The following CUBN variants were observed in gnomAD, a reference collection of about 807,000 sequenced individuals.
CUBN encodes the protein cubilin, also known as 460 kDa receptor.
CUBN carries 282 observed loss-of-function variants against 405.3 expected under a neutral mutation model. The observed-to-expected ratio is 0.70, with a 90% CI of 0.63 to 0.77. The LOEUF is 0.77. Ranked by LOEUF, CUBN falls within the 30% of genes least tolerant of loss-of-function variation. CUBN has a pLI of 0.00. For missense variants in CUBN, 4,514 were observed against 4,475.2 expected (o/e 1.01, Z -0.25); for synonymous variants, 1,684 against 1,617.0 (o/e 1.04, Z -0.99).
intron 25 of CUBN, among the ~76,000 whole-genome samples, chr10:17,044,311 AATAT>A (rs1835077002): frequency 6.8e-6 from 1 of 147,888 alleles, no homozygotes; most frequent in African/African-American, 2.5e-5. Flanking sequence ...ATATATAATA[AATAT>A]ATATTTTTTG....
chr10:16,911,552 G>C (rs1316044300), intron 48 of CUBN, among the ~76,000 whole-genome samples: 4 of 152,208 alleles, frequency 2.6e-5, no homozygotes, highest in African/African-American at 9.7e-5. Flanking sequence ...ATAATTAAGG[G>C]ATAGGGAGAT....
chr10:17,007,088 C>T (rs760339676), intron 28 of CUBN, among the ~76,000 whole-genome samples: 12 of 152,290 alleles, frequency 7.9e-5, no homozygotes, highest in African/African-American at 1.2e-4. Context: ...CTGGGAGCAA[C>T]GACCAGAAGA....
chr10:16,985,796 C>G (rs1355337482), intron 29 of CUBN, among the ~76,000 whole-genome samples: 1 of 152,246 alleles, frequency 6.6e-6, no homozygotes, highest in African/African-American at 2.4e-5. Context: ...TCTTGTTTCA[C>G]TTCTAGATCT....
At chr10:16,956,731 G>C (rs1223689500) in intron 31 of CUBN, among the ~76,000 whole-genome samples, 1 of 152,056 alleles carries the variant, frequency 6.6e-6, no homozygotes, top group Non-Finnish European at 1.5e-5. Context: ...ACAGAGTATG[G>C]AGAATACACC....
At chr10:17,110,804 T>C in intron 9 of CUBN, 115 bp downstream of exon 9, 2 of 1,488,566 alleles carry the variant, frequency 1.3e-6, no homozygotes, top group Non-Finnish European at 9.3e-7. Flanking sequence ...ATTACAGGCA[T>C]GAGCAACTGC....
chr10:16,888,658 A>G (rs752255210), intron 55 of CUBN, 92 bp from the exon 56 acceptor site: 158 of 1,072,922 alleles, frequency 1.5e-4, no homozygotes, highest in Non-Finnish European at 2.0e-4. Flanking sequence ...TAAATTATCT[A>G]TAGACATAGT....
rs75711390 is a variant in CUBN at position 17,032,944 on chromosome 10, T to C, written c.4017+8089A>G. On this transcript the variant is annotated intron_variant, in intron 27 of 66. Transcript: ENST00000377833. ...TCTGTCAATTGTACCTCCTAAGTGCTCTGAAATCATTCGATCTCATGCTTC... is the reference window on the plus strand; with the variant it reads ...TCTGTCAATTGTACCTCCTAAGTGCCCTGAAATCATTCGATCTCATGCTTC... 6.7e-3 allele frequency among the ~76,000 whole-genome samples: 1,026 copies of C among 152,252 alleles called. 8 individuals carry two copies. The highest frequency in any genetic ancestry group is 0.024 in the Middle Eastern group (7 of 292).
chr10:17,017,864 G>C (rs1401966255), intron 28 of CUBN, among the ~76,000 whole-genome samples: 1 of 152,176 alleles, frequency 6.6e-6, no homozygotes, highest in Non-Finnish European at 1.5e-5. Flanking sequence ...GAGGAAATTT[G>C]TCTGACAGGC....
Position 17,123,447 on chromosome 10 carries a change from A to C in CUBN, c.489+141T>G, listed in dbSNP as rs547778773. ...TACTCACCACTGTTTGGGTTTTAGC[A>C]TACCTGGTATATTTCAATTTGATTT... On this transcript the variant is annotated intron_variant, in intron 5 of 66. Coordinates refer to ENST00000377833, the MANE Select transcript of CUBN (RefSeq NM_001081.4). 8.1e-6 allele frequency: 6 copies of C among 739,126 alleles called. No individual in the cohort carries two copies. The African/African-American group carries it at 8.7e-5, about 11-fold the overall frequency. 45.8% of individuals were successfully genotyped at this position (739,126 alleles called of 1,614,324 possible). A position where few individuals can be genotyped will look rare whatever the true frequency, so the allele number is the denominator to read the frequency against.
rs183598292 is a variant in CUBN at position 17,068,504 on chromosome 10, T to G, written c.2791+101A>C. ...CTTTGTCTTTGAGTGTACTTTAAAA[T>G]TTTTCACAGTACAGATGATTTTCAT... On this transcript the variant is annotated intron_variant, in intron 20 of 66. Transcript: ENST00000377833. 1.7e-4 allele frequency: 195 copies of G among 1,131,038 alleles called. No homozygotes were observed. The East Asian group carries it at 3.7e-3, about 22-fold the overall frequency. 70.1% of individuals were successfully genotyped at this position (1,131,038 alleles called of 1,614,324 possible).
In CUBN at chr10:16,982,701, C is replaced by G. The variant is rs747477838; in HGVS notation, c.4526-48G>C. On this transcript the variant is annotated intron_variant, in intron 30 of 66. Transcript: ENST00000377833. ...TTTCATGAGAGGAATCATGGATGCT[C>G]GAAAATAATCCATTACCTGGTTGTA... The G allele has an allele frequency of 4.0e-6, 6 of 1,511,522 alleles. No individual in the cohort carries two copies. In the South Asian group the frequency reaches 6.9e-5, roughly 17 times the overall value. 93.6% of individuals were successfully genotyped at this position (1,511,522 alleles called of 1,614,324 possible). A position where few individuals can be genotyped will look rare whatever the true frequency, so the allele number is the denominator to read the frequency against.
Position 16,828,908 on chromosome 10 carries a change from TAGA to T in CUBN, c.10658_10660del (p.Phe3553del). The T allele has an allele frequency of 6.2e-7, 1 of 1,614,076 alleles. No homozygotes were observed. ...TCCTGGATCGTCAATGCTGATGAAGTAGAAGTTGATGGTGACAAGCCTTCCAGC... is the reference window on the plus strand; with the variant it reads ...TCCTGGATCGTCAATGCTGATGAAGTAGTTGATGGTGACAAGCCTTCCAGC... On this transcript the variant is annotated inframe_deletion, in exon 66 of 67. Transcript: ENST00000377833.
At chr10:16,857,715 A>C (rs1439605043) in intron 59 of CUBN, among the ~76,000 whole-genome samples, 1 of 152,232 alleles carries the variant, frequency 6.6e-6, no homozygotes, top group Non-Finnish European at 1.5e-5. Context: ...TACAGCTAAC[A>C]GCATAATTAA....
chr10:17,008,233 T>TGTGTG (rs1187436141), intron 28 of CUBN, among the ~76,000 whole-genome samples: 1 of 99,686 alleles, frequency 1.0e-5, no homozygotes, highest in Admixed American at 1.0e-4. Flanking sequence ...TCCCTGCCCG[T>TGTGTG]GTGTGGTGTG....
chr10:16,948,099 C>T (rs1842833112), intron 35 of CUBN, among the ~76,000 whole-genome samples: 1 of 152,192 alleles, frequency 6.6e-6, no homozygotes, highest in African/African-American at 2.4e-5. Context: ...ATCCCAGCTA[C>T]TCAGGAGGCT....
At chr10:16,917,866 C>A (rs1254847576) in intron 45 of CUBN, among the ~76,000 whole-genome samples, 1 of 152,032 alleles carries the variant, frequency 6.6e-6, no homozygotes, top group South Asian at 2.1e-4. Context: ...TTAACATATT[C>A]ATTCTATAAT....
At chr10:17,123,521 T>C in intron 5 of CUBN, 67 bp downstream of exon 5, 1 of 1,190,474 alleles carries the variant, frequency 8.4e-7, no homozygotes. Context: ...TAAATATGCC[T>C]GATGATTCCA....
chr10:16,909,028 G>A (rs1405851715), intron 48 of CUBN, among the ~76,000 whole-genome samples: 2 of 151,474 alleles, frequency 1.3e-5, no homozygotes, highest in Non-Finnish European at 2.9e-5. Flanking sequence ...GACTACAGGT[G>A]CCCGCCACCG....
At chr10:17,062,630 A>C (rs1835526997) in intron 22 of CUBN, among the ~76,000 whole-genome samples, 1 of 152,242 alleles carries the variant, frequency 6.6e-6, no homozygotes, top group Non-Finnish European at 1.5e-5. Flanking sequence ...AGTCCCAGTA[A>C]TCACAAGAAA....
Sources: allele counts gnomAD v4.1 joint callset (sites outside exome capture counted in the v4.1 genomes callset), GRCh38; gene constraint gnomAD v4.1.1; transcripts MANE v1.5; gene names NCBI Gene and HGNC (gene_info 2026-07-23, HGNC 2026-07-21).